The following RAD18 variants were observed in gnomAD, a reference collection of about 807,000 sequenced individuals.
The protein encoded by RAD18 is E3 ubiquitin-protein ligase RAD18.
RAD18 carries 47 observed loss-of-function variants against 60.4 expected under a neutral mutation model. That is an observed-to-expected ratio of 0.78 (90% CI 0.62 to 0.99). The LOEUF (loss-of-function observed/expected upper bound fraction) is 0.99, where lower values mean the gene tolerates loss of function less well. RAD18 is among the 50% of genes least tolerant of loss of function. RAD18 has a pLI of 0.00. For synonymous variants in RAD18, 225 were observed against 195.5 expected, an observed-to-expected ratio of 1.15 and a Z score of -1.26; for missense variants, 640 against 593.3, an observed-to-expected ratio of 1.08 and a Z score of -0.82.
At chr3:8,889,942 C>T (rs1283125525) in intron 12 of RAD18, among the ~76,000 whole-genome samples, 1 of 152,178 alleles carries the variant, frequency 6.6e-6, no homozygotes, top group Non-Finnish European at 1.5e-5. Flanking sequence ...GATACACTAA[C>T]AGGTACCATT....
intron 12 of RAD18, among the ~76,000 whole-genome samples, chr3:8,884,412 C>CT (rs45465599): frequency 6.6e-6 from 1 of 151,908 alleles, no homozygotes; most frequent in East Asian, 1.9e-4. Flanking sequence ...ATCATTTTTA[C>CT]TTTTTTTTCA....
intron 11 of RAD18, among the ~76,000 whole-genome samples, chr3:8,893,558 C>T (rs1001279767): frequency 2.0e-5 from 3 of 152,056 alleles, no homozygotes; most frequent in African/African-American, 4.8e-5. Context: ...TAGCAGTTGG[C>T]TAACGTATTA....
chr3:8,914,880 T>C (rs1170143151), intron 7 of RAD18, among the ~76,000 whole-genome samples: 1 of 152,152 alleles, frequency 6.6e-6, no homozygotes, highest in African/African-American at 2.4e-5. Flanking sequence ...GGCTCACGCC[T>C]CTAATCCCAG....
At position 8,959,001 on chromosome 3, in the gene RAD18, T is replaced by C. The variant is rs1941056268; in HGVS notation, c.52A>G (p.Thr18Ala). 2 of 1,613,102 alleles carry C rather than the reference T, an allele frequency of 1.2e-6. No individual in the cohort carries two copies. Among genetic ancestry groups the C allele is most frequent in the Admixed American group, 3.3e-5 (2 of 60,000 alleles). The change falls in exon 2 of 13, where the codon ACA becomes GCA. Residue 18 changes from threonine (T) to alanine (A), a missense_variant and splice_region_variant. By Grantham distance (58) the Thr-to-Ala change is moderately conservative. Coordinates refer to ENST00000264926, the MANE Select transcript of RAD18 (RefSeq NM_020165.4). ...CCACACCGCAGCAAATCATCTATTG[T>C]CTGAAATGCAAATATGCATATATAC... ...RWPPGLAVMK[T>A]IDDLLRCGIC...
chr3:8,950,561 T>C (rs922773830), intron 2 of RAD18, among the ~76,000 whole-genome samples: 1 of 152,184 alleles, frequency 6.6e-6, no homozygotes, highest in East Asian at 1.9e-4. Flanking sequence ...GACTATAGAA[T>C]GTGTCCCCTC....
chr3:8,921,860 G>A (rs757188909), intron 7 of RAD18, among the ~76,000 whole-genome samples: 1 of 152,034 alleles, frequency 6.6e-6, no homozygotes, highest in Non-Finnish European at 1.5e-5. Flanking sequence ...TTTTTATTTA[G>A]TTTAAAGCAA....
chr3:8,913,122 G>A (rs756164416), intron 8 of RAD18, among the ~76,000 whole-genome samples: 16 of 152,118 alleles, frequency 1.1e-4, no homozygotes, highest in Admixed American at 2.6e-4. Context: ...CTGGTATCCT[G>A]TCTTCAAGTT....
At chr3:8,936,086 T>C (rs770213536) in intron 6 of RAD18, 31 bp from the exon 7 acceptor site, 17 of 1,427,242 alleles carry the variant, frequency 1.2e-5, no homozygotes, top group Non-Finnish European at 1.6e-5. Flanking sequence ...CTGATGATTA[T>C]TGTGAATTAT....
chr3:8,891,017 T>C (rs1383263614), intron 11 of RAD18, among the ~76,000 whole-genome samples: 1 of 151,846 alleles, frequency 6.6e-6, no homozygotes, highest in Non-Finnish European at 1.5e-5. Context: ...ATATGATGTC[T>C]GTTTGTTCAT....
intron 12 of RAD18, among the ~76,000 whole-genome samples, chr3:8,888,418 T>C (rs1939619736): frequency 6.6e-6 from 1 of 152,234 alleles, no homozygotes; most frequent in Non-Finnish European, 1.5e-5. Flanking sequence ...AAATCATTTG[T>C]GGAATTAAGA....
At chr3:8,959,431 T>C (rs184009107) in intron 1 of RAD18, among the ~76,000 whole-genome samples, 93 of 152,328 alleles carry the variant, frequency 6.1e-4, no homozygotes, top group African/African-American at 2.0e-3. Context: ...AATCAAAGAA[T>C]GTTAAAGCCA....
intron 11 of RAD18, among the ~76,000 whole-genome samples, chr3:8,897,135 A>G (rs768232103): frequency 6.6e-6 from 1 of 152,212 alleles, no homozygotes; most frequent in Non-Finnish European, 1.5e-5. Context: ...TAATTAGCAA[A>G]ATATCCACTG....
intron 7 of RAD18, among the ~76,000 whole-genome samples, chr3:8,933,745 T>A (rs777189808): frequency 6.6e-6 from 1 of 152,140 alleles, no homozygotes; most frequent in South Asian, 2.1e-4. Flanking sequence ...TCAAATACTA[T>A]ACAGATATCA....
At chr3:8,944,878 C>T (rs1434053211) in intron 4 of RAD18, among the ~76,000 whole-genome samples, 1 of 152,170 alleles carries the variant, frequency 6.6e-6, no homozygotes, top group African/African-American at 2.4e-5. Flanking sequence ...AAACAGCAGT[C>T]TAGAACCATT....
At chr3:8,959,537 C>G (rs1195854662) in intron 1 of RAD18, among the ~76,000 whole-genome samples, 1 of 152,170 alleles carries the variant, frequency 6.6e-6, no homozygotes, top group Non-Finnish European at 1.5e-5. Flanking sequence ...ATTCCTGTCT[C>G]CCGTCTGGCA....
At chr3:8,906,176 C>G (rs1939998640) in intron 9 of RAD18, among the ~76,000 whole-genome samples, 1 of 151,946 alleles carries the variant, frequency 6.6e-6, no homozygotes, top group African/African-American at 2.4e-5. Context: ...AGGTAAATAC[C>G]ATTTTGTGAA....
At chr3:8,944,358 C>T (rs1940804882) in intron 4 of RAD18, among the ~76,000 whole-genome samples, 1 of 152,090 alleles carries the variant, frequency 6.6e-6, no homozygotes, top group Non-Finnish European at 1.5e-5. Context: ...AATTCTACCA[C>T]ATATTTAAGG....
At chr3:8,931,346 T>A (rs911082956) in intron 7 of RAD18, 1 of 152,138 alleles carries the variant, frequency 6.6e-6, no homozygotes, top group African/African-American at 2.4e-5. Context: ...ACAGCACTAC[T>A]GAGAGAAAGT....
chr3:8,947,272 G>T lies in RAD18; in HGVS notation c.214C>A (p.Leu72Met). ...TCATCTAATATGCGGTTATTTTTCAGATCCGGCTCTGTGACAGTCTAGAAA... is the reference window on the plus strand; with the variant it reads ...TCATCTAATATGCGGTTATTTTTCATATCCGGCTCTGTGACAGTCTAGAAA... ...TCCVTVTEPDLKNNRILDELV... is the reference protein window; with the variant it reads ...TCCVTVTEPDMKNNRILDELV... Residue 72 changes from leucine to methionine, a missense_variant, in exon 4 of 13, where the codon CTG (leucine) becomes ATG (methionine). By Grantham distance (15) the Leu-to-Met change is conservative (BLOSUM62 2). Coordinates refer to ENST00000264926, the MANE Select transcript of RAD18 (RefSeq NM_020165.4). 1.9e-6 allele frequency: 3 copies of T among 1,610,090 alleles called. No individual in the cohort carries two copies. Among genetic ancestry groups the T allele is most frequent in the Non-Finnish European group, 2.5e-6 (3 of 1,176,822 alleles).
Sources: gnomAD v4.1 joint callset for allele counts (sites outside exome capture counted in the v4.1 genomes callset) on GRCh38, gnomAD v4.1.1 for gene constraint, MANE v1.5 for transcripts, NCBI Gene and HGNC (gene_info 2026-07-23, HGNC 2026-07-21) for gene names.